The following PTCHD4 variants were observed in gnomAD, a reference collection of about 807,000 sequenced individuals.
The protein encoded by PTCHD4 is patched domain-containing protein 4.
A neutral mutation model predicts 58.1 loss-of-function variants in PTCHD4; 33 were observed. The ratio of observed to expected loss-of-function variants is 0.57; its 90% CI spans 0.43 to 0.76. The LOEUF (loss-of-function observed/expected upper bound fraction) is 0.76, where lower values mean the gene tolerates loss of function less well. Among genes scored for constraint, PTCHD4 ranks in the 30% least tolerant of loss-of-function variants. The pLI is 0.00. For missense variants in PTCHD4, 1,058 were observed against 1,027.1 expected, an observed-to-expected ratio of 1.03 and a Z score of -0.41; for synonymous variants, 478 against 409.6, an observed-to-expected ratio of 1.17 and a Z score of -2.02.
intron 1 of PTCHD4, among the ~76,000 whole-genome samples, chr6:48,092,439 G>A (rs1054815922): frequency 9.9e-5 from 15 of 152,196 alleles, no homozygotes; most frequent in African/African-American, 3.4e-4. Context: ...GTATTAAGAT[G>A]AGAGAATATT....
rs115763400 is a variant in PTCHD4 at position 48,055,566 on chromosome 6, C to T, written c.417+12664G>A. Among the ~76,000 whole-genome samples, 698 of 152,152 alleles carry T rather than the reference C, an allele frequency of 4.6e-3. 6 individuals are homozygous for T. The highest frequency in any genetic ancestry group is 0.016 in the African/African-American group (646 of 41,486). On this transcript the variant is annotated intron_variant, in intron 3 of 4. Coordinates refer to ENST00000339488, the MANE Select transcript of PTCHD4 (RefSeq NM_001384253.1). ...ATAAAAAAGTCTAAAGGCTCACAGC[C>T]TAGAAAGAATCCAATTCCTTAAAAA...
intron 4 of PTCHD4, among the ~76,000 whole-genome samples, chr6:47,897,825 T>C (rs2114139402): frequency 6.6e-6 from 1 of 152,280 alleles, no homozygotes; most frequent in East Asian, 1.9e-4. Flanking sequence ...ATCTATGTGA[T>C]GACTAGTGAG....
chr6:47,901,859 TTTCTCTCCTTCC>T (rs1458389246), intron 4 of PTCHD4: 2 of 1,301,960 alleles, frequency 1.5e-6, no homozygotes, highest in East Asian at 1.1e-4. Flanking sequence ...TCTCCAGTTT[TTTCTCTCCTTCC>T]TTCTCTCCTT....
chr6:47,928,193 A>G lies in PTCHD4; in HGVS notation c.899-48257T>C, dbSNP rs1031182507. Among the ~76,000 whole-genome samples, 5 of 152,176 alleles carry G rather than the reference A, an allele frequency of 3.3e-5. No homozygotes were observed. In the East Asian group the frequency reaches 9.6e-4, roughly 29 times the overall value. ...TTTCTAGTTGGCTCAGTTTTAAAAAATTGCTCCTAAGGCAGTAAAAAAAGC... is the reference window on the plus strand; with the variant it reads ...TTTCTAGTTGGCTCAGTTTTAAAAAGTTGCTCCTAAGGCAGTAAAAAAAGC... On this transcript the variant is annotated intron_variant, in intron 4 of 4. Coordinates refer to ENST00000339488, the MANE Select transcript of PTCHD4 (RefSeq NM_001384253.1).
At chr6:47,968,577 A>G (rs140944834) in intron 4 of PTCHD4, among the ~76,000 whole-genome samples, 65 of 152,302 alleles carry the variant, frequency 4.3e-4, no homozygotes, top group African/African-American at 1.4e-3. Context: ...ATTTGTAAAT[A>G]AGCCTTTGGC....
At chr6:48,023,420 G>A (rs931866263) in intron 3 of PTCHD4, among the ~76,000 whole-genome samples, 20 of 152,102 alleles carry the variant, frequency 1.3e-4, no homozygotes, top group African/African-American at 4.8e-4. Context: ...TATAATGAAA[G>A]CAGTCATCAC....
At chr6:47,967,875 G>T (rs1034403817) in intron 4 of PTCHD4, among the ~76,000 whole-genome samples, 1 of 152,114 alleles carries the variant, frequency 6.6e-6, no homozygotes, top group African/African-American at 2.4e-5. Context: ...GAATGTTGTG[G>T]CTGGTTTGAT....
rs375648873 is a variant in PTCHD4 at position 48,008,640 on chromosome 6, C to A, written c.892G>T (p.Ala298Ser). ...CACAAGGATGGATAGTTACCCATGG[C>A]GAAGAACGGGATTCCCAGCAGGGTG... ...NSTLLGIPFF[A>S]MGHGTKGVFE... Residue 298 changes from alanine to serine, a missense_variant, in exon 4 of 5, where the codon GCC (alanine) becomes TCC (serine). By Grantham distance (99) the Ala-to-Ser change is moderately conservative. Transcript: ENST00000339488. The A allele has an allele frequency of 1.2e-6, 2 of 1,612,300 alleles. No individual in the cohort carries two copies. The highest frequency in any genetic ancestry group is 2.2e-5 in the East Asian group (1 of 44,816).
At chr6:47,884,148 C>T (rs1290828344) in intron 4 of PTCHD4, among the ~76,000 whole-genome samples, 2 of 151,584 alleles carry the variant, frequency 1.3e-5, no homozygotes, top group Admixed American at 1.3e-4. Context: ...ATGTATCTAC[C>T]CATCTGTTCA....
intron 4 of PTCHD4, among the ~76,000 whole-genome samples, chr6:47,897,531 CTAAG>C (rs1764561643): frequency 6.6e-6 from 1 of 152,192 alleles, no homozygotes; most frequent in Non-Finnish European, 1.5e-5. Flanking sequence ...TACTTGGCTG[CTAAG>C]TAAATCCTGG....
rs532001430 is a variant in PTCHD4, at chr6:47,856,931, A to T, written c.*21372T>A. On this transcript the variant is annotated 3_prime_UTR_variant, in exon 5 of 5. Transcript: ENST00000339488. ...TAGCTTTTCATAATGGGAAGGGACA[A>T]TATTCATATTTAAATAATGATATTA... is the stretch of plus-strand genomic sequence containing the variant. Among the ~76,000 whole-genome samples, 8 of 152,160 alleles carry T rather than the reference A, an allele frequency of 5.3e-5. No individual in the cohort carries two copies. The highest frequency in any genetic ancestry group is 2.0e-4 in the Admixed American group (3 of 15,256).
intron 4 of PTCHD4, among the ~76,000 whole-genome samples, chr6:47,977,079 A>G (rs1357030721): frequency 6.6e-6 from 1 of 152,164 alleles, no homozygotes; most frequent in African/African-American, 2.4e-5. Context: ...AGAGGTGAGT[A>G]AAACTGTATG....
At chr6:47,917,610 A>T (rs1765301532) in intron 4 of PTCHD4, among the ~76,000 whole-genome samples, 1 of 152,150 alleles carries the variant, frequency 6.6e-6, no homozygotes, top group Admixed American at 6.6e-5. Context: ...TACTTTTATA[A>T]ATTTCCTCAA....
intron 3 of PTCHD4, among the ~76,000 whole-genome samples, chr6:48,047,416 C>G (rs1764074422): frequency 6.6e-6 from 1 of 151,754 alleles, no homozygotes; most frequent in Admixed American, 6.6e-5. Context: ...AACTACATAG[C>G]TGGACCAATG....
intron 4 of PTCHD4, among the ~76,000 whole-genome samples, chr6:47,955,056 C>T (rs1005301779): frequency 5.3e-5 from 8 of 152,186 alleles, no homozygotes; most frequent in African/African-American, 1.9e-4. Context: ...GTCTCTGAGC[C>T]ATCCCAGCTG....
chr6:47,874,538 C>T lies in PTCHD4; in HGVS notation c.*3765G>A, dbSNP rs1763796916. ...GTTAATCCTTAGCTCTAACCACAAG[C>T]CTAGAAGGATTAGCTTATTACGGGG... On this transcript the variant is annotated 3_prime_UTR_variant, in exon 5 of 5. Transcript: ENST00000339488. 6.6e-6 allele frequency among the ~76,000 whole-genome samples: 1 copy of T among 151,640 alleles called. No individual in the cohort carries two copies. Among genetic ancestry groups the T allele is most frequent in the South Asian group, 2.1e-4 (1 of 4,808 alleles).
chr6:48,067,055 A>C (rs550777785), intron 3 of PTCHD4, among the ~76,000 whole-genome samples: 1 of 152,212 alleles, frequency 6.6e-6, no homozygotes, highest in Non-Finnish European at 1.5e-5. Flanking sequence ...TACATTAAAA[A>C]AATTTTTTTC....
chr6:48,006,761 T>G (rs1315551399), intron 4 of PTCHD4, among the ~76,000 whole-genome samples: 3 of 152,212 alleles, frequency 2.0e-5, no homozygotes, highest in Non-Finnish European at 2.9e-5. Context: ...AAGGGCTGTT[T>G]TCTATTCATT....
At chr6:47,936,101 G>C (rs1765990376) in intron 4 of PTCHD4, among the ~76,000 whole-genome samples, 1 of 152,144 alleles carries the variant, frequency 6.6e-6, no homozygotes, top group Admixed American at 6.5e-5. Context: ...ACATATAATT[G>C]TGCATCATTC....
Sources: allele counts gnomAD v4.1 joint callset (sites outside exome capture counted in the v4.1 genomes callset), GRCh38; gene constraint gnomAD v4.1.1; transcripts MANE v1.5; gene names NCBI Gene and HGNC (gene_info 2026-07-23, HGNC 2026-07-21).